Variants in ELN observed in about 807,000 individuals in gnomAD.
ELN encodes the protein tropoelastin.
Under a neutral mutation model 105.8 loss-of-function variants are expected in ELN, and 65 were observed. The observed-to-expected ratio is 0.61, with a 90% CI of 0.50 to 0.75. The LOEUF (loss-of-function observed/expected upper bound fraction) is 0.75, where lower values mean the gene tolerates loss of function less well. Ranked by LOEUF, ELN falls within the 30% of genes least tolerant of loss-of-function variation. The pLI is 0.00. For synonymous variants in ELN, 368 were observed against 389.2 expected, an observed-to-expected ratio of 0.95 and a Z score of 0.64; for missense variants, 882 against 969.4, an observed-to-expected ratio of 0.91 and a Z score of 1.20.
intron 10 of ELN, chr7:74,045,742 G>A (rs1554671728): frequency 1.0e-5 from 3 of 295,342 alleles, no homozygotes; most frequent in South Asian, 3.5e-5. Flanking sequence ...CCGTTCCCCC[G>A]CAAAATAAGA....
intron 1 of ELN, among the ~76,000 whole-genome samples, chr7:74,029,340 A>C (rs1160981438): frequency 1.3e-5 from 2 of 152,210 alleles, no homozygotes; most frequent in East Asian, 3.9e-4. Context: ...GCCATCTGCT[A>C]TGTGCCCCAA....
chr7:74,061,426 C>A (rs1216511102), intron 26 of ELN, among the ~76,000 whole-genome samples: 1 of 150,034 alleles, frequency 6.7e-6, no homozygotes, highest in Non-Finnish European at 1.5e-5. Flanking sequence ...CCGAGGTGGG[C>A]AGATCAACTG....
intron 12 of ELN, 139 bp from the exon 13 acceptor site, chr7:74,047,536 C>A: frequency 1.7e-6 from 2 of 1,194,964 alleles, no homozygotes; most frequent in Non-Finnish European, 2.5e-6. Flanking sequence ...AGCGCCTTTG[C>A]TCTCCTGGGA....
chr7:74,067,312 G>A (rs536785282), intron 32 of ELN, among the ~76,000 whole-genome samples: 1 of 151,986 alleles, frequency 6.6e-6, no homozygotes, highest in East Asian at 2.0e-4. Context: ...CTGTTGCCCA[G>A]GCTGGAGTGC....
chr7:74,057,687 G>T lies in ELN; in HGVS notation c.1405G>T (p.Ala469Ser). ...AAAAKAAAKAAQFGLVPGVGV... is the reference protein window; with the variant it reads ...AAAAKAAAKASQFGLVPGVGV... ...AGCTGCTAAAGCAGCCGCCAAAGCC[G>T]CCCAGTTTGGTAAGTCCCCCTCACC... Residue 469 changes from alanine to serine, a missense_variant, in exon 22 of 33, where the codon GCC becomes TCC. Ala to Ser is a moderately conservative substitution (Grantham distance 99). Coordinates refer to ENST00000252034, the MANE Select transcript of ELN (RefSeq NM_000501.4). 1 of 1,613,348 alleles carries T rather than the reference G, an allele frequency of 6.2e-7. No homozygotes were observed. Among genetic ancestry groups the T allele is most frequent in the Non-Finnish European group, 8.5e-7 (1 of 1,179,900 alleles).
At chr7:74,043,668 G>A (rs917928639) in intron 8 of ELN, 49 of 670,226 alleles carry the variant, frequency 7.3e-5, no homozygotes, top group South Asian at 2.4e-4. Context: ...TCCAGGAGAC[G>A]GAGATAAATC....
Position 74,063,395 on chromosome 7 carries a change from T to TGCCGCCAG in ELN, c.1918+30_1918+37dup, listed in dbSNP as rs1797149795. On this transcript the variant is annotated intron_variant, in intron 28 of 32. Coordinates refer to ENST00000252034, the MANE Select transcript of ELN (RefSeq NM_000501.4). This position sits in a 1 kb window ranked among gnomAD's most constrained non-coding sequence, Gnocchi z 4.1. The stretch of plus-strand genomic sequence containing the variant: ...GTGAGCACTGGGTGGAGGTGGGAGC[T>TGCCGCCAG]GCCGCCAGGCCCCCAGGCCCCCAGG... 1 of 1,543,824 alleles carries TGCCGCCAG rather than the reference T, an allele frequency of 6.5e-7. No individual in the cohort carries two copies. The highest frequency in any genetic ancestry group is 8.7e-7 in the Non-Finnish European group (1 of 1,147,486).
chr7:74,035,814 C>G, intron 2 of ELN: 1 of 320,000 alleles, frequency 3.1e-6, no homozygotes, highest in Non-Finnish European at 6.0e-6. Flanking sequence ...TGGTGCACGC[C>G]TGTAGTCCTA....
chr7:74,062,841 G>A (rs537579452), intron 26 of ELN, among the ~76,000 whole-genome samples: 13 of 152,216 alleles, frequency 8.5e-5, no homozygotes, highest in South Asian at 2.1e-4. Flanking sequence ...GTGAGCCACC[G>A]CACCCGGCTT....
rs1480092678 is a variant in ELN, at chr7:74,061,107, G to C, written c.1754G>C (p.Gly585Ala). ...AACTTTTCTTTCTCCCCAGTACCTG[G>C]AGCCCTGGCTGCCGCTAAAGCAGCC... ...AGVPGFGAVP[G>A]ALAAAKAAKY... Residue 585 changes from glycine to alanine, a missense_variant, in exon 26 of 33, where the codon GGA becomes GCA. Physicochemically the swap from Gly to Ala is moderately conservative, Grantham distance 60. Transcript: ENST00000252034. The C allele has an allele frequency of 2.5e-6, 4 of 1,614,142 alleles. No homozygotes were observed. The highest frequency in any genetic ancestry group is 3.4e-6 in the Non-Finnish European group (4 of 1,180,044).
At chr7:74,064,141 A>G (rs367886452) in intron 29 of ELN, among the ~76,000 whole-genome samples, 117 of 151,556 alleles carry the variant, frequency 7.7e-4, no homozygotes, top group Non-Finnish European at 1.4e-3. Flanking sequence ...AAAAGAGGCC[A>G]GGCATGGTGG....
chr7:74,028,420 C>A, intron 1 of ELN, 151 bp downstream of exon 1: 1 of 891,866 alleles, frequency 1.1e-6, no homozygotes, highest in South Asian at 1.5e-5. Context: ...CTCGGAACTG[C>A]CCCTCCCAGG....
At chr7:74,067,866 T>A (rs187424379) in intron 32 of ELN, among the ~76,000 whole-genome samples, 1 of 141,042 alleles carries the variant, frequency 7.1e-6, no homozygotes, top group Admixed American at 7.8e-5. Flanking sequence ...AGGCGGAGGT[T>A]GCAGTGAGCT....
rs1554669689 is a variant in ELN at position 74,043,017 on chromosome 7, G to A, written c.359G>A (p.Gly120Asp). The change falls in exon 7 of 33, where the codon GGC becomes GAC. Residue 120 changes from glycine to aspartate, a missense_variant. Physicochemically the swap from Gly to Asp is moderately conservative, Grantham distance 94. Transcript: ENST00000252034. ...AGLGGVPGVG[G>D]LGVSAGAVVP... ...CTTGGTGGTGTCCCAGGAGTTGGTG[G>A]CTTAGGAGTGTCTGCAGGTACGATG... 1 of 1,614,162 alleles carries A rather than the reference G, an allele frequency of 6.2e-7. No individual in the cohort carries two copies. The highest frequency in any genetic ancestry group is 1.1e-5 in the South Asian group (1 of 91,080).
intron 13 of ELN, 64 bp downstream of exon 13, chr7:74,047,780 G>T: frequency 1.9e-6 from 3 of 1,610,898 alleles, no homozygotes; most frequent in African/African-American, 1.3e-5. Context: ...CCTAGCAAGG[G>T]TGCTGTGCTT....
At chr7:74,046,162 G>A (rs376686772) in intron 10 of ELN, 26 bp from the exon 11 acceptor site, 202 of 1,614,272 alleles carry the variant, frequency 1.3e-4, no homozygotes, top group Middle Eastern at 6.6e-4. Flanking sequence ...TTCCAGGGCT[G>A]TAGTGACAGC....
At position 74,060,021 on chromosome 7, in the gene ELN, C is replaced by T. The variant is rs1167099779; in HGVS notation, c.1550C>T (p.Pro517Leu). The stretch of plus-strand genomic sequence containing the variant: ...GTGGCTCCTGGCGTTGGCGTGGCTC[C>T]CGGCATTGGCCCTGGTGGAGTTGCA... ...VGVAPGVGVA[P>L]GIGPGGVAAA... is the part of the protein sequence containing the mutation. Residue 517 changes from proline (P) to leucine (L), a missense_variant, in exon 23 of 33, where the codon CCC becomes CTC. Coordinates refer to ENST00000252034, the MANE Select transcript of ELN (RefSeq NM_000501.4). 3 of 1,613,870 alleles carry T rather than the reference C, an allele frequency of 1.9e-6. No individual in the cohort carries two copies. The highest frequency in any genetic ancestry group is 2.5e-6 in the Non-Finnish European group (3 of 1,179,984).
At chr7:74,047,258 C>T (rs1253973585) in intron 12 of ELN, among the ~76,000 whole-genome samples, 4 of 152,122 alleles carry the variant, frequency 2.6e-5, no homozygotes, top group African/African-American at 7.2e-5. Flanking sequence ...CACACACACA[C>T]GCTCATGCAC....
Position 74,046,727 on chromosome 7 carries a change from A to G in ELN, c.603A>G (p.Gly201=), listed in dbSNP as rs1163096552. Residue 201 remains glycine, a synonymous_variant, in exon 12 of 33, where the codon GGA becomes GGG. Coordinates refer to ENST00000252034, the MANE Select transcript of ELN (RefSeq NM_000501.4). Reference sequence around the variant, plus strand: ...GACCCTTTGGGGGACCGCAACCTGGAGTCCCACTGGGGTATCCCATCAAGG... The same window carrying G: ...GACCCTTTGGGGGACCGCAACCTGGGGTCCCACTGGGGTATCCCATCAAGG... ...GVGPFGGPQP[G]VPLGYPIKAP... 6.2e-7 allele frequency: 1 copy of G among 1,614,086 alleles called. No individual in the cohort carries two copies. The highest frequency in any genetic ancestry group is 1.3e-5 in the African/African-American group (1 of 74,938).
Sources: allele counts gnomAD v4.1 joint callset (sites outside exome capture counted in the v4.1 genomes callset), GRCh38; gene constraint gnomAD v4.1.1; non-coding constraint Gnocchi (gnomAD v3.1); transcripts MANE v1.5; gene names NCBI Gene and HGNC (gene_info 2026-07-23, HGNC 2026-07-21).